MEIOC: variants seen among roughly 807,000 people sequenced by gnomAD.
MEIOC encodes the protein meiosis-specific coiled-coil domain-containing protein MEIOC.
Under a neutral mutation model 85.3 loss-of-function variants are expected in MEIOC, and 9 were observed. The ratio of observed to expected loss-of-function variants is 0.11; its 90% CI spans 0.06 to 0.18. The LOEUF is 0.18. Among genes scored for constraint, MEIOC ranks in the 10% least tolerant of loss-of-function variants. MEIOC has a pLI of 1.00. For missense variants in MEIOC, 898 were observed against 1,129.4 expected (o/e 0.80, Z 2.94); for synonymous variants, 365 against 393.7 (o/e 0.93, Z 0.86).
chr17:44,662,663 T>C (rs997999508), intron 3 of MEIOC, among the ~76,000 whole-genome samples, 192 bp downstream of exon 3: 1 of 152,212 alleles, frequency 6.6e-6, no homozygotes, highest in Non-Finnish European at 1.5e-5. Flanking sequence ...CTTTGTTTTG[T>C]TTTGTTGAGA....
chr17:44,659,778 T>TG (rs1242785559), intron 2 of MEIOC, among the ~76,000 whole-genome samples: 1 of 152,116 alleles, frequency 6.6e-6, no homozygotes, highest in East Asian at 1.9e-4. Context: ...CACATAAGAG[T>TG]GGGCCTATGA....
Position 44,674,322 on chromosome 17 carries a change from T to C in MEIOC, c.*126T>C. On this transcript the variant is annotated 3_prime_UTR_variant, in exon 8 of 8. Coordinates refer to ENST00000409122, the MANE Select transcript of MEIOC (RefSeq NM_001145080.3). ...AGATTTAAAGTTAATACCAGTACCT[T>C]AATGAAGTCTAACTTCTATTTAAAA... is the stretch of plus-strand genomic sequence containing the variant. The C allele has an allele frequency of 7.0e-7, 1 of 1,421,958 alleles. No individual in the cohort carries two copies. Among genetic ancestry groups the C allele is most frequent in the Non-Finnish European group, 9.2e-7 (1 of 1,090,206 alleles). The allele number at this position is 1,421,958 out of a possible 1,614,324, so 88.1% of individuals were successfully genotyped here.
chr17:44,657,084 C>G (rs1309151444), intron 1 of MEIOC, 43 bp from the exon 2 acceptor site: 3 of 1,529,304 alleles, frequency 2.0e-6, no homozygotes, highest in Non-Finnish European at 1.8e-6. Context: ...CGGCGTCACC[C>G]TCGTGACCAC....
chr17:44,669,688 C>T (rs983361877), intron 6 of MEIOC, 171 bp downstream of exon 6: 4 of 582,326 alleles, frequency 6.9e-6, no homozygotes, highest in East Asian at 3.2e-5. Context: ...GGTGAAACCC[C>T]GTCTCTACTA....
At chr17:44,671,547 CAAA>C (rs201226549) in intron 6 of MEIOC, among the ~76,000 whole-genome samples, 2 of 112,736 alleles carry the variant, frequency 1.8e-5, no homozygotes, top group Non-Finnish European at 1.9e-5. Flanking sequence ...GACCCTGTCT[CAAA>C]AAAAAAAAAA....
intron 4 of MEIOC, among the ~76,000 whole-genome samples, chr17:44,666,021 CTG>C (rs987473363): frequency 2.6e-5 from 4 of 151,820 alleles, no homozygotes; most frequent in African/African-American, 9.7e-5. Flanking sequence ...TTAAAAAAAA[CTG>C]TGGTCAACAA....
At position 44,662,343 on chromosome 17, in the gene MEIOC, G is replaced by T; in HGVS notation, c.231G>T (p.Gln77His). The T allele has an allele frequency of 6.5e-7, 1 of 1,549,414 alleles. No individual in the cohort carries two copies. The highest frequency in any genetic ancestry group is 8.7e-7 in the Non-Finnish European group (1 of 1,146,150). ...SQSEDNVDLRQTYTPFSSTEY... is the reference protein window; with the variant it reads ...SQSEDNVDLRHTYTPFSSTEY... ...GTGAAGACAATGTAGACCTAAGGCA[G>T]ACCTATACTCCATTTTCTTCAACAG... The change falls in exon 3 of 8, where the codon CAG becomes CAT. Residue 77 changes from glutamine to histidine, a missense_variant. Gln to His is a conservative substitution (Grantham distance 24, BLOSUM62 0). Transcript: ENST00000409122.
chr17:44,675,859 A>G, downstream of MEIOC: 1 of 645,240 alleles, frequency 1.5e-6, no homozygotes, highest in Non-Finnish European at 1.9e-6. Flanking sequence ...CTCATATCAG[A>G]AAGTCAAATG....
Position 44,674,291 on chromosome 17 carries a change from T to C in MEIOC, c.*95T>C. On this transcript the variant is annotated 3_prime_UTR_variant, in exon 8 of 8. Transcript: ENST00000409122. Reference sequence around the variant, plus strand: ...AACTTGTCAAACTTTCAGTATGTTTTCTTTCAGATTTAAAGTTAATACCAG... The same window carrying C: ...AACTTGTCAAACTTTCAGTATGTTTCCTTTCAGATTTAAAGTTAATACCAG... 1 of 1,450,160 alleles carries C rather than the reference T, an allele frequency of 6.9e-7. No homozygotes were observed. Among genetic ancestry groups the C allele is most frequent in the Non-Finnish European group, 9.1e-7 (1 of 1,104,608 alleles). The allele number at this position is 1,450,160 out of a possible 1,614,324, so 89.8% of individuals were successfully genotyped here. A position where few individuals can be genotyped will look rare whatever the true frequency, so the allele number is the denominator to read the frequency against.
chr17:44,666,516 C>T lies in MEIOC; in HGVS notation c.605C>T (p.Ser202Leu), dbSNP rs777947147. The T allele has an allele frequency of 1.3e-5, 21 of 1,606,828 alleles. No individual in the cohort carries two copies. Among genetic ancestry groups the T allele is most frequent in the Non-Finnish European group, 1.8e-5 (21 of 1,176,296 alleles). Reference sequence around the variant, plus strand: ...GCTTTTTATAGTGATGAATCTGTGTCAGCAATGGAAAAGCAATACCTGCGT... The same window carrying T: ...GCTTTTTATAGTGATGAATCTGTGTTAGCAATGGAAAAGCAATACCTGCGT... The part of the protein sequence containing the change: ...QQAFYSDESV[S>L]AMEKQYLRNS... The change falls in exon 5 of 8, where the codon TCA (serine) becomes TTA (leucine). Residue 202 changes from serine (S) to leucine (L), a missense_variant. Ser to Leu is a moderately radical substitution (Grantham distance 145, BLOSUM62 -2). This residue lies in a region of MEIOC where 734 missense variants were observed against 860.1 expected (regional missense o/e 0.85). Transcript: ENST00000409122.
intron 1 of MEIOC, 90 bp from the exon 2 acceptor site, chr17:44,657,037 C>A: frequency 7.0e-7 from 1 of 1,423,922 alleles, no homozygotes; most frequent in South Asian, 1.3e-5. Context: ...TTGAGCCGAA[C>A]AGCCGAGGTA....
In MEIOC at chr17:44,666,434, C is replaced by G; in HGVS notation, c.523C>G (p.His175Asp). Residue 175 changes from histidine to aspartate, a missense_variant, in exon 5 of 8, where the codon CAC (histidine) becomes GAC (aspartate). Around this residue, in one of 2 missense-constraint regions of MEIOC, gnomAD observed 734 missense variants for 860.1 expected, o/e 0.85. Coordinates refer to ENST00000409122, the MANE Select transcript of MEIOC (RefSeq NM_001145080.3). ...WPMNTSRFADHHDLLTETKRP... is the reference protein window; with the variant it reads ...WPMNTSRFADDHDLLTETKRP... Reference sequence around the variant, plus strand: ...AATGAACACAAGCAGATTTGCAGATCACCATGACCTCTTAACAGAAACCAA... The same window carrying G: ...AATGAACACAAGCAGATTTGCAGATGACCATGACCTCTTAACAGAAACCAA... 6.4e-7 allele frequency: 1 copy of G among 1,555,318 alleles called. No homozygotes were observed. The highest frequency in any genetic ancestry group is 8.7e-7 in the Non-Finnish European group (1 of 1,148,478).
In MEIOC at chr17:44,656,996, C is replaced by G; in HGVS notation, c.70-131C>G. 5.5e-6 allele frequency: 6 copies of G among 1,096,826 alleles called. No homozygotes were observed. The South Asian group carries it at 1.1e-4, about 19-fold the overall frequency. The allele number at this position is 1,096,826 out of a possible 1,614,324, so 67.9% of individuals were successfully genotyped here. A position where few individuals can be genotyped will look rare whatever the true frequency, so the allele number is the denominator to read the frequency against. On this transcript the variant is annotated intron_variant, in intron 1 of 7. Coordinates refer to ENST00000409122, the MANE Select transcript of MEIOC (RefSeq NM_001145080.3). ...ATCCCGAGGCTGGAAGCGCGGGCCC[C>G]CACATTCGTGTCCTCTGAGAGGGTT...
chr17:44,666,959 A>G lies in MEIOC; in HGVS notation c.1048A>G (p.Ser350Gly). ...NKCSNFSVQD[S>G]KKLANGTPET... is the part of the protein sequence containing the mutation. Reference sequence around the variant, plus strand: ...ATGTTCAAATTTTAGTGTCCAAGATAGCAAAAAATTAGCCAATGGCACACC... The same window carrying G: ...ATGTTCAAATTTTAGTGTCCAAGATGGCAAAAAATTAGCCAATGGCACACC... The change falls in exon 5 of 8, where the codon AGC becomes GGC. Residue 350 changes from serine (S) to glycine (G), a missense_variant. Physicochemically the swap from Ser to Gly is moderately conservative, Grantham distance 56. Transcript: ENST00000409122. 1.2e-6 allele frequency: 2 copies of G among 1,612,436 alleles called. No homozygotes were observed. Among genetic ancestry groups the G allele is most frequent in the Non-Finnish European group, 1.7e-6 (2 of 1,179,070 alleles).
chr17:44,664,094 G>A (rs1971876076), intron 3 of MEIOC, among the ~76,000 whole-genome samples: 1 of 152,126 alleles, frequency 6.6e-6, no homozygotes, highest in African/African-American at 2.4e-5. Flanking sequence ...TACAGGGCCG[G>A]GATTGGTGGC....
intron 6 of MEIOC, chr17:44,670,206 T>G (rs1971982290): frequency 7.3e-6 from 1 of 136,302 alleles, no homozygotes; most frequent in African/African-American, 2.8e-5. Flanking sequence ...AGGGCTACAG[T>G]GAGCCATAAC....
At chr17:44,673,182 C>G (rs1206279504) in intron 6 of MEIOC, 184 bp from the exon 7 acceptor site, 2 of 446,064 alleles carry the variant, frequency 4.5e-6, no homozygotes, top group Non-Finnish European at 7.9e-6. Context: ...TTAACATAGA[C>G]AAGTAGATAG....
chr17:44,666,256 G>T, intron 4 of MEIOC, 120 bp from the exon 5 acceptor site: 1 of 778,522 alleles, frequency 1.3e-6, no homozygotes. Flanking sequence ...AGTTGAAAGG[G>T]ATTAGAGAAT....
Position 44,674,976 on chromosome 17 carries a change from G to C in MEIOC, c.*780G>C. The C allele has an allele frequency of 1.0e-6, 1 of 981,628 alleles. No individual in the cohort carries two copies. Among genetic ancestry groups the C allele is most frequent in the Non-Finnish European group, 1.2e-6 (1 of 826,640 alleles). The allele number at this position is 981,628 out of a possible 1,614,324, so 60.8% of individuals were successfully genotyped here. On this transcript the variant is annotated 3_prime_UTR_variant, in exon 8 of 8. Coordinates refer to ENST00000409122, the MANE Select transcript of MEIOC (RefSeq NM_001145080.3). ...AATCACAAAACATTCCCTTTATCTG[G>C]ATCTTTTAGACTTGATGCACAGTAA...
Sources: gnomAD v4.1 joint callset for allele counts (sites outside exome capture counted in the v4.1 genomes callset) on GRCh38, gnomAD v4.1.1 for gene constraint, gnomAD v4.1.1 regional missense constraint, MANE v1.5 for transcripts, NCBI Gene and HGNC (gene_info 2026-07-23, HGNC 2026-07-21) for gene names.